OR51E1: variants seen among roughly 807,000 people sequenced by gnomAD.
OR51E1 encodes olfactory receptor family 51 subfamily E member 1.
In OR51E1, 9 loss-of-function variants were observed where a neutral mutation model predicts 11.5. That is an observed-to-expected ratio of 0.78 (90% CI 0.47 to 1.37). The LOEUF (loss-of-function observed/expected upper bound fraction) is 1.37. OR51E1 is among the 40% of genes most tolerant of loss of function. The probability of loss-of-function intolerance (pLI) is 0.00; values close to 1 mark genes in which losing one functional copy is unlikely to be tolerated. For missense variants in OR51E1, 397 were observed against 410.2 expected (o/e 0.97, Z 0.28); for synonymous variants, 168 against 158.3 (o/e 1.06, Z -0.46).
chr11:4,651,952 TGTTAAA>T, intron 1 of OR51E1, among the ~76,000 whole-genome samples: 1 of 152,326 alleles, frequency 6.6e-6, no homozygotes, highest in Admixed American at 6.5e-5. Flanking sequence ...TATTAAGTTA[TGTTAAA>T]GTTAGGGTTA....
chr11:4,646,122 A>C (rs1428441513), intron 1 of OR51E1, among the ~76,000 whole-genome samples: 1 of 152,208 alleles, frequency 6.6e-6, no homozygotes, highest in Non-Finnish European at 1.5e-5. Flanking sequence ...ATGAGGAGCC[A>C]GAGGCTCCCA....
chr11:4,654,200 G>A lies in OR51E1; in HGVS notation c.*717G>A, dbSNP rs1362728892. ...CAGTGGGGATCAGTGAATTAAATGG[G>A]GTCATACAAGTATAAAAATTAAAAA... On this transcript the variant is annotated 3_prime_UTR_variant, in exon 2 of 2. Coordinates refer to ENST00000396952, the MANE Select transcript of OR51E1 (RefSeq NM_152430.4). 1 of 166,918 alleles carries A rather than the reference G, an allele frequency of 6.0e-6. No homozygotes were observed. The highest frequency in any genetic ancestry group is 2.1e-4 in the South Asian group (1 of 4,810). The allele number at this position is 166,918 out of a possible 1,614,324, so 10.3% of individuals were successfully genotyped here.
chr11:4,652,998 C>A lies in OR51E1; in HGVS notation c.472C>A (p.Leu158Met), dbSNP rs760969443. Residue 158 changes from leucine (L) to methionine (M), a missense_variant, in exon 2 of 2, where the codon CTG (leucine) becomes ATG (methionine). Coordinates refer to ENST00000396952, the MANE Select transcript of OR51E1 (RefSeq NM_152430.4). ...GVAAVVRGAA[L>M]MAPLPVFIKQ... is the part of the protein sequence containing the mutation. ...GGCTGCTGTGGTGCGGGGGGCTGCA[C>A]TGATGGCACCCCTTCCTGTCTTCAT... 1 of 1,605,178 alleles carries A rather than the reference C, an allele frequency of 6.2e-7. No homozygotes were observed. The highest frequency in any genetic ancestry group is 1.1e-5 in the South Asian group (1 of 88,978).
At position 4,654,040 on chromosome 11, in the gene OR51E1, T is replaced by A. The variant is rs1847139181; in HGVS notation, c.*557T>A. 1 of 166,788 alleles carries A rather than the reference T, an allele frequency of 6.0e-6. No individual in the cohort carries two copies. The highest frequency in any genetic ancestry group is 2.1e-4 in the South Asian group (1 of 4,832). 10.3% of individuals were successfully genotyped at this position (166,788 alleles called of 1,614,324 possible). A position where few individuals can be genotyped will look rare whatever the true frequency, so the allele number is the denominator to read the frequency against. On this transcript the variant is annotated 3_prime_UTR_variant, in exon 2 of 2. Coordinates refer to ENST00000396952, the MANE Select transcript of OR51E1 (RefSeq NM_152430.4). Reference sequence around the variant, plus strand: ...AAAAGAGTACATTTACCTACGTTAATGAAAGTTGACACACTGTTCTGAGAG... The same window carrying A: ...AAAAGAGTACATTTACCTACGTTAAAGAAAGTTGACACACTGTTCTGAGAG...
chr11:4,644,271 ATTAGT>A (rs1847001162), intron 1 of OR51E1, among the ~76,000 whole-genome samples: 1 of 152,094 alleles, frequency 6.6e-6, no homozygotes, highest in South Asian at 2.1e-4. Context: ...TTTTTCAGTG[ATTAGT>A]TTACTAGTAT....
chr11:4,650,952 A>G (rs969571837), intron 1 of OR51E1, among the ~76,000 whole-genome samples: 1 of 151,602 alleles, frequency 6.6e-6, no homozygotes, highest in African/African-American at 2.4e-5. Context: ...AAAAAAAAAA[A>G]TCCCAAATCG....
chr11:4,650,354 C>T (rs1030845668), intron 1 of OR51E1, among the ~76,000 whole-genome samples: 5 of 152,116 alleles, frequency 3.3e-5, no homozygotes, highest in African/African-American at 1.2e-4. Context: ...GGGAGAAGCT[C>T]TAAGAAGGAG....
chr11:4,648,698 A>T (rs1261896284), intron 1 of OR51E1, among the ~76,000 whole-genome samples: 2 of 152,168 alleles, frequency 1.3e-5, no homozygotes, highest in African/African-American at 4.8e-5. Flanking sequence ...TGTAAAACTG[A>T]TGGATAGCAT....
At chr11:4,648,322 G>A (rs1847053274) in intron 1 of OR51E1, among the ~76,000 whole-genome samples, 2 of 152,132 alleles carry the variant, frequency 1.3e-5, no homozygotes, top group Admixed American at 1.3e-4. Flanking sequence ...CAGGCCAAGT[G>A]GTGATTAAGG....
chr11:4,650,171 G>A (rs1490348317), intron 1 of OR51E1, among the ~76,000 whole-genome samples: 1 of 152,150 alleles, frequency 6.6e-6, no homozygotes, highest in Non-Finnish European at 1.5e-5. Flanking sequence ...TAGGTTTGGG[G>A]ATCAATTGTT....
At chr11:4,650,562 A>G (rs772892323) in intron 1 of OR51E1, among the ~76,000 whole-genome samples, 6 of 152,220 alleles carry the variant, frequency 3.9e-5, no homozygotes, top group Non-Finnish European at 7.4e-5. Flanking sequence ...ACTAATTTCT[A>G]TCTGGTCTGA....
chr11:4,649,970 A>C (rs1382536469), intron 1 of OR51E1, among the ~76,000 whole-genome samples: 1 of 152,190 alleles, frequency 6.6e-6, no homozygotes, highest in African/African-American at 2.4e-5. Flanking sequence ...TAGAGGTTTT[A>C]GACTGGGTTT....
chr11:4,644,439 A>T (rs555365038), intron 1 of OR51E1, among the ~76,000 whole-genome samples: 2 of 151,802 alleles, frequency 1.3e-5, no homozygotes, highest in African/African-American at 2.4e-5. Context: ...ATGACTGGGG[A>T]TGAGGCTGCA....
In OR51E1 at chr11:4,648,483, C is replaced by A. The variant is rs558610730; in HGVS notation, c.-39-4005C>A. Reference sequence around the variant, plus strand: ...TGCCTTATCTCATACAATTTCACAGCAGCACTATGCAGTTATTATTATTCA... The same window carrying A: ...TGCCTTATCTCATACAATTTCACAGAAGCACTATGCAGTTATTATTATTCA... On this transcript the variant is annotated intron_variant, in intron 1 of 1. Coordinates refer to ENST00000396952, the MANE Select transcript of OR51E1 (RefSeq NM_152430.4). Among the ~76,000 whole-genome samples the A allele has an allele frequency of 2.0e-5, 3 of 152,338 alleles. No homozygotes were observed. In the South Asian group the frequency reaches 6.2e-4, roughly 32 times the overall value.
rs1472230 is a variant in OR51E1, at chr11:4,653,826, G to A, written c.*343G>A. The A allele has an allele frequency of 0.4, 79,500 of 197,960 alleles. 17,595 individuals are homozygous for A. Among genetic ancestry groups the A allele is most frequent in the Non-Finnish European group, 0.5 (44,635 of 89,128 alleles). The allele number at this position is 197,960 out of a possible 1,614,324, so 12.3% of individuals were successfully genotyped here. ...GAACATTTGCCAAAGGCCTAAGCACGGCAAAGGAAAATAAACACAGAATAT... is the reference window on the plus strand; with the variant it reads ...GAACATTTGCCAAAGGCCTAAGCACAGCAAAGGAAAATAAACACAGAATAT... On this transcript the variant is annotated 3_prime_UTR_variant, in exon 2 of 2. Transcript: ENST00000396952.
At chr11:4,646,432 G>T (rs555930670) in intron 1 of OR51E1, among the ~76,000 whole-genome samples, 48 of 152,322 alleles carry the variant, frequency 3.2e-4, no homozygotes, top group African/African-American at 1.2e-3. Flanking sequence ...TTCTTAAGGA[G>T]ACATGGGGAG....
chr11:4,652,124 A>T (rs919829247), intron 1 of OR51E1, among the ~76,000 whole-genome samples: 2 of 152,228 alleles, frequency 1.3e-5, no homozygotes, highest in African/African-American at 4.8e-5. Context: ...ATAGGGAAGC[A>T]TAAAGGTAAG....
At chr11:4,647,617 G>A (rs1847045446) in intron 1 of OR51E1, among the ~76,000 whole-genome samples, 1 of 152,094 alleles carries the variant, frequency 6.6e-6, no homozygotes, top group South Asian at 2.1e-4. Flanking sequence ...AGGAGACAGA[G>A]TTCTGAAGCC....
At chr11:4,649,845 T>C (rs1847072667) in intron 1 of OR51E1, among the ~76,000 whole-genome samples, 1 of 152,218 alleles carries the variant, frequency 6.6e-6, no homozygotes, top group South Asian at 2.1e-4. Context: ...ACATTTATCA[T>C]CTCATTTAAT....
Sources: gnomAD v4.1 joint callset for allele counts (sites outside exome capture counted in the v4.1 genomes callset) on GRCh38, gnomAD v4.1.1 for gene constraint, MANE v1.5 for transcripts, NCBI Gene and HGNC (gene_info 2026-07-23, HGNC 2026-07-21) for gene names.